VWC2: variants seen among roughly 807,000 people sequenced by gnomAD.
VWC2 encodes the protein von Willebrand factor C domain containing 2.
VWC2 carries 14 observed loss-of-function variants against 29.8 expected under a neutral mutation model. The observed-to-expected ratio is 0.47, with a 90% confidence interval of 0.31 to 0.74. The LOEUF is 0.74. Ranked by LOEUF, VWC2 falls within the 30% of genes least tolerant of loss-of-function variation. The pLI is 0.05. For synonymous variants in VWC2, 213 were observed against 199.0 expected (o/e 1.07, Z -0.59); for missense variants, 457 against 459.8 (o/e 0.99, Z 0.05).
At chr7:49,802,987 C>T (rs1583637946) in intron 3 of VWC2, 147 bp downstream of exon 3, 2 of 1,032,788 alleles carry the variant, frequency 1.9e-6, no homozygotes, top group East Asian at 5.5e-5. Flanking sequence ...TGTAATCTTT[C>T]AGCCACAGTG....
chr7:49,835,067 T>C (rs1241045373), intron 3 of VWC2, among the ~76,000 whole-genome samples: 1 of 152,192 alleles, frequency 6.6e-6, no homozygotes, highest in African/African-American at 2.4e-5. Flanking sequence ...TAAAGGCAAA[T>C]GGGGACAAAG....
chr7:49,810,128 C>T (rs992873640), intron 3 of VWC2, among the ~76,000 whole-genome samples: 3 of 151,870 alleles, frequency 2.0e-5, no homozygotes, highest in African/African-American at 4.8e-5. Context: ...ATTACACATA[C>T]ACGTGCATAC....
intron 2 of VWC2, among the ~76,000 whole-genome samples, chr7:49,782,602 T>A (rs1200519544): frequency 8.0e-5 from 12 of 150,474 alleles, no homozygotes. Flanking sequence ...CCCAGCACTT[T>A]GGGAGACTGA....
intron 3 of VWC2, among the ~76,000 whole-genome samples, chr7:49,896,196 T>C (rs972777201): frequency 6.6e-6 from 1 of 151,936 alleles, no homozygotes; most frequent in African/African-American, 2.4e-5. Flanking sequence ...CAAAAATTAG[T>C]CAGGTTTGGT....
intron 3 of VWC2, among the ~76,000 whole-genome samples, chr7:49,813,692 G>A (rs141632817): frequency 5.3e-5 from 8 of 152,128 alleles, no homozygotes; most frequent in South Asian, 2.1e-4. Flanking sequence ...ATATATTAAC[G>A]TGCAATAATA....
chr7:49,804,172 TAA>T (rs1381153901), intron 3 of VWC2, among the ~76,000 whole-genome samples: 1 of 146,648 alleles, frequency 6.8e-6, no homozygotes, highest in African/African-American at 2.5e-5. Flanking sequence ...GTTTTTTTTT[TAA>T]AAAAAAAAAT....
rs189697438 is a variant in VWC2 at position 49,775,426 on chromosome 7, G to C, written c.-10G>C. The C allele has an allele frequency of 4.0e-5, 39 of 972,682 alleles. No individual in the cohort carries two copies. The African/African-American group carries it at 4.1e-4, about 10-fold the overall frequency. The allele number at this position is 972,682 out of a possible 1,614,324, so 60.3% of individuals were successfully genotyped here. The stretch of plus-strand genomic sequence containing the variant: ...TCCCCGCCCGCCCGCCCGCCGGGAC[G>C]TGGTAGGGGATGCCCAGCTCCACTG... On this transcript the variant is annotated 5_prime_UTR_variant, in exon 2 of 4. Transcript: ENST00000340652.
chr7:49,780,682 G>T (rs1156522159), intron 2 of VWC2, among the ~76,000 whole-genome samples: 1 of 152,132 alleles, frequency 6.6e-6, no homozygotes, highest in African/African-American at 2.4e-5. Context: ...GCTCTGATTG[G>T]CAATTGTATA....
chr7:49,850,242 A>G (rs561505852), intron 3 of VWC2, among the ~76,000 whole-genome samples: 2 of 152,362 alleles, frequency 1.3e-5, no homozygotes, highest in African/African-American at 4.8e-5. Flanking sequence ...TAACCTGTCC[A>G]CTTCATGCCA....
At chr7:49,858,245 C>A (rs1028361175) in intron 3 of VWC2, among the ~76,000 whole-genome samples, 1 of 152,118 alleles carries the variant, frequency 6.6e-6, no homozygotes, top group African/African-American at 2.4e-5. Context: ...GCTATAATGA[C>A]ACATGCACAC....
intron 2 of VWC2, among the ~76,000 whole-genome samples, chr7:49,792,007 G>C (rs1191637813): frequency 1.3e-5 from 2 of 152,158 alleles, no homozygotes; most frequent in Non-Finnish European, 2.9e-5. Flanking sequence ...GTGGTGGAAG[G>C]GCCAAAGGGA....
chr7:49,875,512 G>C (rs1300629830), intron 3 of VWC2, among the ~76,000 whole-genome samples: 3 of 152,002 alleles, frequency 2.0e-5, no homozygotes, highest in Non-Finnish European at 4.4e-5. Flanking sequence ...AGCTGGAGGA[G>C]AGCCAGTGTC....
chr7:49,778,531 G>A (rs482968), intron 2 of VWC2, among the ~76,000 whole-genome samples: 79,576 of 152,084 alleles, frequency 0.52, 21,993 homozygotes, highest in African/African-American at 0.7. Flanking sequence ...TGTTAGTATC[G>A]GGAACATTTC....
In VWC2 at chr7:49,775,417, C is replaced by A; in HGVS notation, c.-19C>A. On this transcript the variant is annotated 5_prime_UTR_variant, in exon 2 of 4. Transcript: ENST00000340652. ...CGGCCGCGCTCCCCGCCCGCCCGCCCGCCGGGACGTGGTAGGGGATGCCCA... is the reference window on the plus strand; with the variant it reads ...CGGCCGCGCTCCCCGCCCGCCCGCCAGCCGGGACGTGGTAGGGGATGCCCA... The A allele has an allele frequency of 1.5e-6, 2 of 1,316,526 alleles. No homozygotes were observed. The highest frequency in any genetic ancestry group is 1.9e-5 in the South Asian group (1 of 51,310). 81.6% of individuals were successfully genotyped at this position (1,316,526 alleles called of 1,614,324 possible).
intron 3 of VWC2, among the ~76,000 whole-genome samples, chr7:49,859,641 C>T (rs1032713368): frequency 6.6e-6 from 1 of 152,232 alleles, no homozygotes; most frequent in Non-Finnish European, 1.5e-5. Context: ...CTATTGCATG[C>T]GAATACTGTG....
intron 3 of VWC2, among the ~76,000 whole-genome samples, chr7:49,902,489 T>C (rs1205082696): frequency 2.0e-5 from 3 of 151,748 alleles, no homozygotes; most frequent in Admixed American, 6.6e-5. Flanking sequence ...GAAAGGGTAG[T>C]TTTTTGTTTG....
chr7:49,887,160 C>T (rs1015704311), intron 3 of VWC2, among the ~76,000 whole-genome samples: 5 of 152,112 alleles, frequency 3.3e-5, no homozygotes, highest in African/African-American at 1.2e-4. Context: ...TTATCCTGAT[C>T]GATGATGATT....
At chr7:49,776,197 T>A (rs1000948917) in intron 2 of VWC2, 66 bp downstream of exon 2, 1 of 1,352,164 alleles carries the variant, frequency 7.4e-7, no homozygotes, top group African/African-American at 1.5e-5. Flanking sequence ...GCTTTGGTTC[T>A]GTGGTCCCCC....
At chr7:49,832,711 G>A (rs968179312) in intron 3 of VWC2, among the ~76,000 whole-genome samples, 2 of 152,150 alleles carry the variant, frequency 1.3e-5, no homozygotes, top group African/African-American at 4.8e-5. Context: ...TAGTGCAGGA[G>A]GCTGGTCCAA....
Sources: gnomAD v4.1 joint callset for allele counts (sites outside exome capture counted in the v4.1 genomes callset) on GRCh38, gnomAD v4.1.1 for gene constraint, MANE v1.5 for transcripts, NCBI Gene and HGNC (gene_info 2026-07-23, HGNC 2026-07-21) for gene names.